Variants in CPNE3 observed in about 807,000 individuals in gnomAD.
CPNE3 encodes the protein copine-3.
CPNE3 carries 68 observed loss-of-function variants against 63.9 expected under a neutral mutation model. The ratio of observed to expected loss-of-function variants is 1.06; its 90% CI spans 0.87 to 1.30. The LOEUF (loss-of-function observed/expected upper bound fraction) is 1.30. Ranked by LOEUF, CPNE3 falls within the 50% of genes most tolerant of loss-of-function variation. The probability of loss-of-function intolerance (pLI) is 0.00; values close to 1 mark genes in which losing one functional copy is unlikely to be tolerated. For synonymous variants in CPNE3, 219 were observed against 197.5 expected, an observed-to-expected ratio of 1.11 and a Z score of -0.91; for missense variants, 665 against 578.1, an observed-to-expected ratio of 1.15 and a Z score of -1.54.
At chr8:86,550,977 T>C (rs1821160386) in intron 12 of CPNE3, 69 bp from the exon 13 acceptor site, 1 of 1,436,326 alleles carries the variant, frequency 7.0e-7, no homozygotes, top group Non-Finnish European at 9.3e-7. Flanking sequence ...ATGGATTTTA[T>C]TGTGGGCAAA....
chr8:86,530,463 C>A (rs1205368555), intron 4 of CPNE3, among the ~76,000 whole-genome samples: 1 of 152,132 alleles, frequency 6.6e-6, no homozygotes, highest in African/African-American at 2.4e-5. Context: ...AGCCACTGCA[C>A]CTGGCCTTGA....
intron 14 of CPNE3, 174 bp downstream of exon 14, chr8:86,551,408 AG>A: frequency 1.7e-6 from 1 of 593,096 alleles, no homozygotes; most frequent in Non-Finnish European, 2.9e-6. Flanking sequence ...GAATTGCACC[AG>A]GTTGGTGGTT....
intron 2 of CPNE3, among the ~76,000 whole-genome samples, chr8:86,516,491 C>T (rs1820314037): frequency 1.3e-5 from 2 of 152,176 alleles, no homozygotes; most frequent in African/African-American, 4.8e-5. Context: ...ATTTCCCTTG[C>T]AGCATCTGTT....
intron 2 of CPNE3, chr8:86,521,625 G>A (rs1274669912): frequency 6.6e-6 from 1 of 152,072 alleles, no homozygotes; most frequent in Non-Finnish European, 1.5e-5. Flanking sequence ...TTAATTAGAG[G>A]CTTTAGTGCT....
chr8:86,542,050 A>G (rs1194932129), intron 8 of CPNE3, among the ~76,000 whole-genome samples: 2 of 152,220 alleles, frequency 1.3e-5, no homozygotes, highest in Non-Finnish European at 2.9e-5. Flanking sequence ...TCACAGTGGC[A>G]TGCTTACAGG....
chr8:86,546,466 A>G (rs1358443666), intron 9 of CPNE3, 129 bp from the exon 10 acceptor site: 2 of 833,830 alleles, frequency 2.4e-6, no homozygotes, highest in African/African-American at 3.6e-5. Context: ...TTTCAGAGTT[A>G]TATTTTGCAA....
intron 6 of CPNE3, among the ~76,000 whole-genome samples, chr8:86,534,847 T>C (rs1820768782): frequency 6.6e-6 from 1 of 152,226 alleles, no homozygotes; most frequent in Non-Finnish European, 1.5e-5. Context: ...TTTTTCAAAA[T>C]TATAAGTTGG....
chr8:86,532,249 G>A (rs1820699171), intron 5 of CPNE3, among the ~76,000 whole-genome samples: 1 of 152,106 alleles, frequency 6.6e-6, no homozygotes, highest in South Asian at 2.1e-4. Flanking sequence ...TCTTGAATAG[G>A]GAAGATCCAA....
chr8:86,546,489 AG>A, intron 9 of CPNE3, 105 bp from the exon 10 acceptor site: 3 of 1,067,452 alleles, frequency 2.8e-6, no homozygotes, highest in Non-Finnish European at 4.2e-6. Context: ...GACCTACATC[AG>A]TAGGTAGTTT....
intron 16 of CPNE3, among the ~76,000 whole-genome samples, chr8:86,556,659 A>G (rs930321904): frequency 6.6e-6 from 1 of 152,220 alleles, no homozygotes; most frequent in Non-Finnish European, 1.5e-5. Context: ...AGTTTGATGA[A>G]TATCTCTTAG....
At chr8:86,547,650 A>G in intron 10 of CPNE3, 61 bp from the exon 11 acceptor site, 1 of 762,024 alleles carries the variant, frequency 1.3e-6, no homozygotes, top group Non-Finnish European at 2.3e-6. Context: ...TATGCCAAAG[A>G]GTTTTTTGCT....
At chr8:86,539,275 G>A (rs974845138) in intron 7 of CPNE3, among the ~76,000 whole-genome samples, 1 of 152,148 alleles carries the variant, frequency 6.6e-6, no homozygotes, top group South Asian at 2.1e-4. Context: ...AGTCTCTTAA[G>A]TTAGAGTATG....
At chr8:86,527,213 G>A (rs1048064765) in intron 2 of CPNE3, among the ~76,000 whole-genome samples, 56 of 152,152 alleles carry the variant, frequency 3.7e-4, no homozygotes, top group Admixed American at 3.5e-3. Context: ...CTCTAGGGTA[G>A]TAGGTACCTT....
At position 86,537,537 on chromosome 8, in the gene CPNE3, C is replaced by T. The variant is rs1444091288; in HGVS notation, c.460-26C>T. ...TCATGGGTTCAGAGGAGAACAAATG[C>T]TTTTTGTTGTTTGTTTTAAATGTAG... On this transcript the variant is annotated intron_variant, in intron 6 of 16. Transcript: ENST00000517490. 4.9e-6 allele frequency: 7 copies of T among 1,425,670 alleles called. No homozygotes were observed. The East Asian group carries it at 1.1e-4, about 23-fold the overall frequency. The allele number at this position is 1,425,670 out of a possible 1,614,324, so 88.3% of individuals were successfully genotyped here.
intron 8 of CPNE3, among the ~76,000 whole-genome samples, chr8:86,542,458 A>C (rs891675777): frequency 1.3e-5 from 2 of 152,124 alleles, no homozygotes; most frequent in Non-Finnish European, 2.9e-5. Context: ...TGGTGTGTGC[A>C]TTCTCTTTCA....
At chr8:86,530,832 C>T (rs560817335) in intron 4 of CPNE3, among the ~76,000 whole-genome samples, 2 of 151,998 alleles carry the variant, frequency 1.3e-5, no homozygotes, top group South Asian at 4.2e-4. Flanking sequence ...GCTGGGATTA[C>T]AGGCACCCAC....
intron 14 of CPNE3, among the ~76,000 whole-genome samples, chr8:86,551,726 G>A (rs1039655821): frequency 9.2e-5 from 14 of 152,124 alleles, no homozygotes; most frequent in African/African-American, 3.4e-4. Flanking sequence ...TAAGTAGCTG[G>A]GATGGGCAAA....
intron 2 of CPNE3, among the ~76,000 whole-genome samples, chr8:86,519,771 T>C (rs916117938): frequency 6.6e-6 from 1 of 152,230 alleles, no homozygotes; most frequent in African/African-American, 2.4e-5. Context: ...TGGAGTGCAA[T>C]GGCACGATCT....
In CPNE3 at chr8:86,556,268, T is replaced by A. The variant is rs764286314; in HGVS notation, c.1421T>A (p.Leu474His). 5.7e-6 allele frequency: 5 copies of A among 872,928 alleles called. No individual in the cohort carries two copies. Among genetic ancestry groups the A allele is most frequent in the Admixed American group, 5.1e-5 (3 of 59,172 alleles). The allele number at this position is 872,928 out of a possible 1,614,324, so 54.1% of individuals were successfully genotyped here. A position where few individuals can be genotyped will look rare whatever the true frequency, so the allele number is the denominator to read the frequency against. ...MEFLDGDGGS[L>H]RSPLGEVAIR... ...TTTCTGGATGGTGATGGTGGAAGTC[T>A]CCGCTCCCCATTGGGCGAAGTGGCC... Residue 474 changes from leucine to histidine, a missense_variant, in exon 16 of 17, where the codon CTC becomes CAC. Coordinates refer to ENST00000517490, the MANE Select transcript of CPNE3 (RefSeq NM_003909.5).
Sources: allele counts gnomAD v4.1 joint callset (sites outside exome capture counted in the v4.1 genomes callset), GRCh38; gene constraint gnomAD v4.1.1; transcripts MANE v1.5; gene names NCBI Gene and HGNC (gene_info 2026-07-23, HGNC 2026-07-21).